Variants in ARL17B observed in about 807,000 individuals in gnomAD.
ARL17B encodes ARF like GTPase 17B.
chr17:46,278,002 G>A (rs2049639857), intron 4 of ARL17B, among the ~76,000 whole-genome samples: 1 of 152,036 alleles, frequency 6.6e-6, no homozygotes, highest in East Asian at 1.9e-4. Flanking sequence ...CTGAAGTGTA[G>A]TGGTGTGGTC....
At position 46,311,652 on chromosome 17, in the gene ARL17B, A is replaced by G. The variant is rs1195655788; in HGVS notation, c.260-11987T>C. Reference sequence around the variant, plus strand: ...GCAAGAAATGTTCCCTTATTTTGTGAGCTACCTTTATTCTGTCCCATTGTT... The same window carrying G: ...GCAAGAAATGTTCCCTTATTTTGTGGGCTACCTTTATTCTGTCCCATTGTT... On this transcript the variant is annotated intron_variant, in intron 3 of 4. Transcript: ENST00000434041. 1.3e-4 allele frequency among the ~76,000 whole-genome samples: 12 copies of G among 89,498 alleles called. 4 individuals are homozygous for G. The highest frequency in any genetic ancestry group is 8.4e-4 in the Admixed American group (7 of 8,334). 58.7% of individuals were successfully genotyped at this position (89,498 alleles called of 152,430 possible).
At chr17:46,275,625 A>G (rs1221974681) in intron 4 of ARL17B, among the ~76,000 whole-genome samples, 2 of 152,250 alleles carry the variant, frequency 1.3e-5, no homozygotes, top group Non-Finnish European at 2.9e-5. Flanking sequence ...AGCTCACTGG[A>G]AAAAGCCAAT....
chr17:46,276,866 C>T (rs75134797), intron 4 of ARL17B, among the ~76,000 whole-genome samples: 15,845 of 148,826 alleles, frequency 0.11, 846 homozygotes, highest in East Asian at 0.27. Flanking sequence ...TGCAGTGGCA[C>T]AATCATGGCT....
At chr17:46,292,046 G>C (rs181750307) in intron 4 of ARL17B, among the ~76,000 whole-genome samples, 1 of 139,582 alleles carries the variant, frequency 7.2e-6, no homozygotes, top group East Asian at 2.1e-4. Context: ...AGAGCAATTT[G>C]ACAGGCCAGG....
intron 4 of ARL17B, among the ~76,000 whole-genome samples, chr17:46,286,955 C>G (rs1277840945): frequency 1.3e-5 from 2 of 152,232 alleles, no homozygotes; most frequent in African/African-American, 4.8e-5. Flanking sequence ...AGATCACAGC[C>G]AATATAGAAC....
At chr17:46,280,196 C>T (rs112750270) in intron 4 of ARL17B, among the ~76,000 whole-genome samples, 16,585 of 148,738 alleles carry the variant, frequency 0.11, no homozygotes, top group Non-Finnish European at 0.17. Context: ...AAACCCCATC[C>T]CTACTAAAAA....
At chr17:46,290,864 G>C (rs977803230) in intron 4 of ARL17B, among the ~76,000 whole-genome samples, 1 of 152,216 alleles carries the variant, frequency 6.6e-6, no homozygotes, top group African/African-American at 2.4e-5. Context: ...AAATTTCAAG[G>C]ATTTGCCTAA....
At chr17:46,291,980 A>C (rs1428906929) in intron 4 of ARL17B, among the ~76,000 whole-genome samples, 1 of 123,256 alleles carries the variant, frequency 8.1e-6, no homozygotes, top group Admixed American at 8.1e-5. Context: ...AAAAAAAAAA[A>C]AAAAAAAGCC....
chr17:46,289,362 TG>T (rs1346210148), intron 4 of ARL17B, among the ~76,000 whole-genome samples: 1 of 152,070 alleles, frequency 6.6e-6, no homozygotes, highest in Non-Finnish European at 1.5e-5. Flanking sequence ...TTTGTAGAGA[TG>T]GAGTCTTGCT....
intron 4 of ARL17B, among the ~76,000 whole-genome samples, chr17:46,276,931 G>C (rs2049605841): frequency 6.6e-6 from 1 of 152,054 alleles, no homozygotes; most frequent in Non-Finnish European, 1.5e-5. Context: ...AGCCTCCTGG[G>C]TAGCTGGGAC....
Position 46,335,465 on chromosome 17 carries a change from T to A in ARL17B, c.*4035A>T, listed in dbSNP as rs565449799. 5.9e-6 allele frequency: 1 copy of A among 168,942 alleles called. No individual in the cohort carries two copies. The highest frequency in any genetic ancestry group is 7.9e-5 in the South Asian group (1 of 12,616). 10.5% of individuals were successfully genotyped at this position (168,942 alleles called of 1,614,324 possible). On this transcript the variant is annotated 3_prime_UTR_variant, in exon 4 of 4. Transcript: ENST00000450673. ...CTCATCAGGTACATGAGACTTATAATGAATAAAAGGAATCAATACAGATTT... is the reference window on the plus strand; with the variant it reads ...CTCATCAGGTACATGAGACTTATAAAGAATAAAAGGAATCAATACAGATTT...
At chr17:46,279,088 G>A (rs1310369513) in intron 4 of ARL17B, among the ~76,000 whole-genome samples, 1 of 151,974 alleles carries the variant, frequency 6.6e-6, no homozygotes, top group Non-Finnish European at 1.5e-5. Context: ...ATAAGCCACT[G>A]TTCCTGGCCC....
At chr17:46,284,189 G>C (rs1039075035) in intron 4 of ARL17B, among the ~76,000 whole-genome samples, 79 of 152,352 alleles carry the variant, frequency 5.2e-4, no homozygotes, top group African/African-American at 1.7e-3. Context: ...GGGACGGTCA[G>C]GTCTTTCCCT....
chr17:46,286,131 G>T (rs1406744965), intron 4 of ARL17B, among the ~76,000 whole-genome samples: 2 of 152,246 alleles, frequency 1.3e-5, no homozygotes, highest in Non-Finnish European at 2.9e-5. Flanking sequence ...CAAAACAGAT[G>T]GGATGATGTT....
At chr17:46,282,270 T>A (rs192694178) in intron 4 of ARL17B, among the ~76,000 whole-genome samples, 1 of 151,896 alleles carries the variant, frequency 6.6e-6, no homozygotes, top group East Asian at 2.0e-4. Flanking sequence ...GCCCGCCTAA[T>A]TTTTTGTTAT....
chr17:46,291,985 A>AAAAAAAAAAC (rs1360524355), intron 4 of ARL17B, among the ~76,000 whole-genome samples: 17,342 of 70,280 alleles, frequency 0.25, 2,732 homozygotes, highest in Non-Finnish European at 0.38. Flanking sequence ...AAAAAAAAAA[A>AAAAAAAAAAC]AAGCCAATAA....
At chr17:46,326,864 A>C (rs1243506185) in intron 3 of ARL17B, among the ~76,000 whole-genome samples, 3 of 57,740 alleles carry the variant, frequency 5.2e-5, no homozygotes, top group Non-Finnish European at 1.3e-4. Flanking sequence ...GATTGTTTTT[A>C]TCTCTCTGAA....
chr17:46,302,460 G>T lies in ARL17B; in HGVS notation c.260-2795C>A, dbSNP rs2050386545. Among the ~76,000 whole-genome samples, 2 of 70,946 alleles carry T rather than the reference G, an allele frequency of 2.8e-5. 1 individual carries two copies. The allele number at this position is 70,946 out of a possible 152,430, so 46.5% of individuals were successfully genotyped here. A position where few individuals can be genotyped will look rare whatever the true frequency, so the allele number is the denominator to read the frequency against. On this transcript the variant is annotated intron_variant, in intron 3 of 4. Transcript: ENST00000434041. Reference sequence around the variant, plus strand: ...GTGTGTGTGTGTGTTTGTGGTGGTGGTGGAGAGAGATGGACACAAAAAGGA... The same window carrying T: ...GTGTGTGTGTGTGTTTGTGGTGGTGTTGGAGAGAGATGGACACAAAAAGGA...
intron 4 of ARL17B, among the ~76,000 whole-genome samples, chr17:46,285,699 T>A (rs2049890122): frequency 6.6e-6 from 1 of 152,204 alleles, no homozygotes; most frequent in South Asian, 2.1e-4. Flanking sequence ...GGTGTGGGGA[T>A]ATGGTAAAGC....
Sources: gnomAD v4.1 joint callset for allele counts (sites outside exome capture counted in the v4.1 genomes callset) on GRCh38, gnomAD v4.1.1 for gene constraint, MANE v1.5 for transcripts, NCBI Gene and HGNC (gene_info 2026-07-23, HGNC 2026-07-21) for gene names.